DHRSX: variants seen among roughly 807,000 people sequenced by gnomAD.
DHRSX encodes the protein polyprenol dehydrogenase.
In DHRSX, 31 loss-of-function variants were observed where a neutral mutation model predicts 34.0. That is an observed-to-expected ratio of 0.91 (90% CI 0.69 to 1.23). DHRSX has a LOEUF of 1.23. DHRSX is among the 50% of genes most tolerant of loss of function. The pLI, the probability that DHRSX is intolerant of heterozygous loss-of-function variation, is 0.00. For synonymous variants in DHRSX, 201 were observed against 183.8 expected (o/e 1.09, Z -0.76); for missense variants, 414 against 428.1 (o/e 0.97, Z 0.29).
Position 2,221,148 on chromosome X carries a change from T to C in DHRSX, c.886A>G (p.Asn296Asp), listed in dbSNP as rs971662072. 9.9e-6 allele frequency: 16 copies of C among 1,613,762 alleles called. No homozygotes were observed. Among genetic ancestry groups the C allele is most frequent in the African/African-American group, 1.3e-5 (1 of 74,896 alleles). ...TGGAGGGACTTGGTCTCTTTCTCGT[T>C]GTATAGGTAATGGCCACCAACTCCT... is the stretch of plus-strand genomic sequence containing the variant. The part of the protein sequence containing the change: ...LEGVGGHYLY[N>D]EKETKSLHVT... The change falls in exon 7 of 7, where the codon AAC (asparagine) becomes GAC (aspartate). Residue 296 changes from asparagine (N) to aspartate (D), a missense_variant. Physicochemically the swap from Asn to Asp is conservative, Grantham distance 23. Coordinates refer to ENST00000334651, the MANE Select transcript of DHRSX (RefSeq NM_145177.3).
chrX:2,408,713 CA>C (rs753279683), intron 3 of DHRSX, 31 bp downstream of exon 3: 8 of 1,467,012 alleles, frequency 5.5e-6, no homozygotes, highest in South Asian at 2.6e-5. Context: ...AAAAAAAAAA[CA>C]AAAAAAAGCC....
intron 3 of DHRSX, among the ~76,000 whole-genome samples, chrX:2,330,966 G>A (rs896126187): frequency 2.6e-5 from 4 of 152,146 alleles, no homozygotes; most frequent in Non-Finnish European, 2.9e-5. Flanking sequence ...CTTATCACAC[G>A]TCCAAGGAGA....
At chrX:2,478,828 G>C (rs970427676) in intron 1 of DHRSX, among the ~76,000 whole-genome samples, 12 of 146,378 alleles carry the variant, frequency 8.2e-5, no homozygotes, top group African/African-American at 2.8e-4. Context: ...CATGTAAGAA[G>C]TGAAGACGCT....
intron 3 of DHRSX, among the ~76,000 whole-genome samples, chrX:2,295,161 C>A (rs1364746637): frequency 3.3e-5 from 5 of 152,122 alleles, no homozygotes; most frequent in African/African-American, 1.2e-4. Context: ...ATAGCAAAAA[C>A]TTGAAACCAA....
At chrX:2,321,736 T>C (rs2042314334) in intron 3 of DHRSX, among the ~76,000 whole-genome samples, 1 of 152,022 alleles carries the variant, frequency 6.6e-6, no homozygotes, top group Non-Finnish European at 1.5e-5. Context: ...ATGGTCCAGT[T>C]AACCCTTAAA....
chrX:2,378,773 T>A (rs1433395462), intron 3 of DHRSX, among the ~76,000 whole-genome samples: 2 of 151,832 alleles, frequency 1.3e-5, no homozygotes, highest in Non-Finnish European at 2.9e-5. Context: ...CAGGTTCAAG[T>A]GATTCTCCTA....
chrX:2,260,633 G>A (rs1303371795), intron 5 of DHRSX, among the ~76,000 whole-genome samples: 1 of 151,844 alleles, frequency 6.6e-6, no homozygotes, highest in East Asian at 1.9e-4. Flanking sequence ...CTAATTTTTT[G>A]TATTTTTAGT....
intron 3 of DHRSX, among the ~76,000 whole-genome samples, chrX:2,387,714 T>G (rs1168155633): frequency 6.6e-6 from 1 of 152,004 alleles, no homozygotes; most frequent in East Asian, 1.9e-4. Context: ...TTTGCATCCT[T>G]CAATCCAATC....
intron 3 of DHRSX, among the ~76,000 whole-genome samples, chrX:2,371,747 T>A: frequency 6.6e-6 from 1 of 151,614 alleles, no homozygotes; most frequent in South Asian, 2.1e-4. Flanking sequence ...CAGCCCCTCC[T>A]CCTCCCATTA....
intron 3 of DHRSX, among the ~76,000 whole-genome samples, chrX:2,402,756 A>G (rs1030905698): frequency 6.6e-6 from 1 of 152,140 alleles, no homozygotes; most frequent in Non-Finnish European, 1.5e-5. Context: ...TTTATGGGAT[A>G]ATGAGGTATT....
At chrX:2,297,779 A>G (rs1285846229) in intron 3 of DHRSX, among the ~76,000 whole-genome samples, 9 of 136,626 alleles carry the variant, frequency 6.6e-5, no homozygotes, top group African/African-American at 2.3e-4. Context: ...TTTTTTGACA[A>G]AGTCTTGCTC....
intron 3 of DHRSX, among the ~76,000 whole-genome samples, chrX:2,329,944 A>G (rs745674128): frequency 6.6e-6 from 1 of 152,034 alleles, no homozygotes; most frequent in South Asian, 2.1e-4. Flanking sequence ...GCTGCCAAGG[A>G]TACAAAAGGT....
intron 3 of DHRSX, among the ~76,000 whole-genome samples, chrX:2,337,419 G>A (rs4083047): frequency 0.09 from 13,714 of 152,134 alleles, 903 homozygotes; most frequent in Non-Finnish European, 0.14. Context: ...GACAGGGAGT[G>A]ATATAAAATT....
intron 3 of DHRSX, among the ~76,000 whole-genome samples, chrX:2,325,626 C>T (rs778521488): frequency 2.7e-5 from 4 of 150,848 alleles, no homozygotes; most frequent in African/African-American, 9.8e-5. Context: ...ACCAATCTCT[C>T]GGAGAGCCCC....
At chrX:2,288,354 G>C (rs1019470377) in intron 4 of DHRSX, among the ~76,000 whole-genome samples, 1 of 152,192 alleles carries the variant, frequency 6.6e-6, no homozygotes, top group Non-Finnish European at 1.5e-5. Flanking sequence ...TCCTGCCTCA[G>C]CCTCCCGAGT....
At chrX:2,329,230 G>A (rs1749433384) in intron 3 of DHRSX, among the ~76,000 whole-genome samples, 1 of 152,076 alleles carries the variant, frequency 6.6e-6, no homozygotes, top group Non-Finnish European at 1.5e-5. Flanking sequence ...AGCACCAATA[G>A]CATACTCTAA....
At chrX:2,224,279 C>T (rs1160068300) in intron 6 of DHRSX, among the ~76,000 whole-genome samples, 2 of 152,144 alleles carry the variant, frequency 1.3e-5, no homozygotes, top group African/African-American at 2.4e-5. Context: ...TCTCCTGCAT[C>T]GTCCCTATTG....
chrX:2,291,539 C>T lies in DHRSX; in HGVS notation c.351G>A (p.Lys117=). Residue 117 remains lysine (K), a synonymous_variant, in exon 4 of 7, where the codon AAG becomes AAA. Transcript: ENST00000334651. ...GGACATGGAGAGGAATCTTCTTCAT[C>T]TTGAACTTCTGCACAAACTGCCGGA... ...TSIRQFVQKF[K]MKKIPLHVLI... The T allele has an allele frequency of 1.2e-6, 2 of 1,613,950 alleles. No homozygotes were observed. Among genetic ancestry groups the T allele is most frequent in the South Asian group, 2.2e-5 (2 of 91,076 alleles).
chrX:2,499,677 T>C (rs1467724092), intron 1 of DHRSX, among the ~76,000 whole-genome samples: 4 of 151,728 alleles, frequency 2.6e-5, no homozygotes, highest in African/African-American at 9.7e-5. Flanking sequence ...GGGACCCAGG[T>C]AGGAGGATTG....
Sources: gnomAD v4.1 joint callset for allele counts (sites outside exome capture counted in the v4.1 genomes callset) on GRCh38, gnomAD v4.1.1 for gene constraint, MANE v1.5 for transcripts, NCBI Gene and HGNC (gene_info 2026-07-23, HGNC 2026-07-21) for gene names.